Variants in ADISSP observed in about 807,000 individuals in gnomAD.
ADISSP encodes the protein adipose secreted signaling protein.
At chr20:3,763,895 C>T in the ADISSP span, among the ~76,000 whole-genome samples, 3 of 152,212 alleles carry the variant, frequency 2.0e-5, no homozygotes, top group African/African-American at 7.2e-5. Context: ...AGGCCCAAGC[C>T]CTGCCTCATG....
the ADISSP span, chr20:3,767,237 C>G: frequency 6.6e-6 from 1 of 152,316 alleles, no homozygotes; most frequent in Non-Finnish European, 1.5e-5. Context: ...CTCCGGAGCC[C>G]GCACTCCCAG....
the ADISSP span, among the ~76,000 whole-genome samples, chr20:3,766,657 G>A: frequency 6.6e-6 from 1 of 152,212 alleles, no homozygotes; most frequent in Non-Finnish European, 1.5e-5. Flanking sequence ...GCTGGATCCA[G>A]GGGGTCAGCC....
the ADISSP span, among the ~76,000 whole-genome samples, chr20:3,757,095 A>G: frequency 6.6e-6 from 1 of 152,226 alleles, no homozygotes; most frequent in Admixed American, 6.5e-5. Flanking sequence ...TCACGCCTGT[A>G]ATCCCAGCAC....
the ADISSP span, chr20:3,767,833 A>T: frequency 6.6e-6 from 1 of 152,274 alleles, no homozygotes; most frequent in African/African-American, 2.4e-5. Context: ...GGGGCGAGGG[A>T]CGCTCCGGAC....
At chr20:3,755,618 A>C in the ADISSP span, 1 of 1,590,100 alleles carries the variant, frequency 6.3e-7, no homozygotes, top group Non-Finnish European at 8.6e-7. Flanking sequence ...CTACAGCAGG[A>C]GAGGTGAGGG....
At chr20:3,754,108 C>A in the ADISSP span, 1 of 1,613,462 alleles carries the variant, frequency 6.2e-7, no homozygotes, top group Admixed American at 1.7e-5. Flanking sequence ...TCCAGCTCGG[C>A]GCCCACACAC....
chr20:3,758,276 C>T, the ADISSP span, among the ~76,000 whole-genome samples: 396 of 152,320 alleles, frequency 2.6e-3, 3 homozygotes, highest in Non-Finnish European at 7.6e-4. This position sits in a 1 kb window ranked among gnomAD's most constrained non-coding sequence, Gnocchi z 5.5. Flanking sequence ...ACCACAGCCA[C>T]GACACTGCCT....
the ADISSP span, among the ~76,000 whole-genome samples, chr20:3,754,967 G>A: frequency 2.6e-5 from 4 of 152,138 alleles, no homozygotes; most frequent in African/African-American, 4.8e-5. Context: ...GGCTGGTGAC[G>A]GGGACATGAA....
chr20:3,754,331 G>A, the ADISSP span: 4 of 1,582,098 alleles, frequency 2.5e-6, no homozygotes, highest in East Asian at 2.3e-5. Flanking sequence ...GTTCCCTGAG[G>A]AGGACAGAAA....
chr20:3,757,970 G>A, the ADISSP span, among the ~76,000 whole-genome samples: 7 of 151,328 alleles, frequency 4.6e-5, no homozygotes, highest in Non-Finnish European at 7.4e-5. Context: ...CAACCTGAAG[G>A]CCTCAGTCTC....
At chr20:3,760,056 T>G in the ADISSP span, 4 of 1,610,552 alleles carry the variant, frequency 2.5e-6, no homozygotes, top group Non-Finnish European at 3.4e-6. Context: ...CTTGTGCAAG[T>G]CCTACCACGC....
chr20:3,758,703 G>T, the ADISSP span: 4 of 1,609,472 alleles, frequency 2.5e-6, no homozygotes, highest in Non-Finnish European at 3.4e-6. The surrounding 1 kb of genome is among the most constrained non-coding windows in gnomAD (Gnocchi z 5.5). Flanking sequence ...AGAGGGCTCT[G>T]AGGGCTTTCC....
chr20:3,754,924 G>A, the ADISSP span, among the ~76,000 whole-genome samples: 2 of 152,202 alleles, frequency 1.3e-5, no homozygotes, highest in Non-Finnish European at 2.9e-5. Context: ...GGCCTGAGGG[G>A]TGTCAATCCA....
chr20:3,754,342 C>A, the ADISSP span: 6 of 1,592,680 alleles, frequency 3.8e-6, no homozygotes, highest in Admixed American at 8.4e-5. Context: ...AGGACAGAAA[C>A]CCTCGCAGTC....
the ADISSP span, chr20:3,760,162 A>C: frequency 7.3e-7 from 1 of 1,373,180 alleles, no homozygotes; most frequent in Non-Finnish European, 1.0e-6. Context: ...GCAGCCTCCC[A>C]TGCTCCAGGG....
chr20:3,755,384 C>T, the ADISSP span: 1 of 1,343,880 alleles, frequency 7.4e-7, no homozygotes, highest in Non-Finnish European at 1.0e-6. Context: ...TGCTGAGCTG[C>T]CCATCCACCC....
the ADISSP span, among the ~76,000 whole-genome samples, chr20:3,765,153 A>G: frequency 0.011 from 1,748 of 152,318 alleles, 44 homozygotes; most frequent in African/African-American, 0.04. Context: ...TCCTTTCTCA[A>G]TGGAGAACCT....
At chr20:3,756,328 C>T in the ADISSP span, among the ~76,000 whole-genome samples, 3 of 152,256 alleles carry the variant, frequency 2.0e-5, no homozygotes, top group Non-Finnish European at 4.4e-5. Context: ...TTCTGTTGTT[C>T]ATTCACAGTG....
the ADISSP span, chr20:3,754,044 C>T: frequency 3.8e-5 from 61 of 1,595,838 alleles, no homozygotes; most frequent in African/African-American, 7.0e-4. Context: ...CCGGGGCAGG[C>T]GGGGCCTCGG....
Sources: gnomAD v4.1 joint callset for allele counts (sites outside exome capture counted in the v4.1 genomes callset) on GRCh38, gnomAD v4.1.1 for gene constraint, Gnocchi (gnomAD v3.1) non-coding constraint, MANE v1.5 for transcripts, NCBI Gene and HGNC (gene_info 2026-07-23, HGNC 2026-07-21) for gene names.